The following SLC25A21 variants were observed in gnomAD, a reference collection of about 807,000 sequenced individuals.
The protein encoded by SLC25A21 is mitochondrial 2-oxodicarboxylate carrier.
In SLC25A21, 47 loss-of-function variants were observed where a neutral mutation model predicts 43.8. That is an observed-to-expected ratio of 1.07 (90% CI 0.85 to 1.37). The LOEUF (loss-of-function observed/expected upper bound fraction) is 1.37. Among genes scored for constraint, SLC25A21 ranks in the 40% most tolerant of loss-of-function variants. The pLI, the probability that SLC25A21 is intolerant of heterozygous loss-of-function variation, is 0.00. For synonymous variants in SLC25A21, 131 were observed against 121.3 expected (o/e 1.08, Z -0.52); for missense variants, 352 against 350.2 (o/e 1.00, Z -0.04).
chr14:36,782,372 T>C (rs1295750895), intron 3 of SLC25A21, among the ~76,000 whole-genome samples: 1 of 152,204 alleles, frequency 6.6e-6, no homozygotes, highest in Admixed American at 6.5e-5. Context: ...CTGCATATTA[T>C]TTCTCTTGAT....
In SLC25A21 at chr14:36,784,863, C is replaced by T. The variant is rs1311402448; in HGVS notation, c.203+29055G>A. 4.6e-5 allele frequency among the ~76,000 whole-genome samples: 7 copies of T among 152,150 alleles called. No homozygotes were observed. In the South Asian group the frequency reaches 6.2e-4, roughly 14 times the overall value. Reference sequence around the variant, plus strand: ...AATAAGGAGAACCCAGGATTGTGTACGCTTACCATACTATATATATTTGGC... The same window carrying T: ...AATAAGGAGAACCCAGGATTGTGTATGCTTACCATACTATATATATTTGGC... On this transcript the variant is annotated intron_variant, in intron 3 of 9. Transcript: ENST00000331299.
chr14:36,764,194 G>GAA (rs1555326649), intron 3 of SLC25A21, among the ~76,000 whole-genome samples: 1,360 of 92,206 alleles, frequency 0.015, 83 homozygotes, highest in South Asian at 0.053. Context: ...GAAAGAAAGA[G>GAA]AAAGAAAGAA....
intron 3 of SLC25A21, among the ~76,000 whole-genome samples, chr14:36,735,131 C>T (rs569387092): frequency 8.5e-5 from 13 of 152,268 alleles, no homozygotes; most frequent in African/African-American, 2.6e-4. Context: ...AAGAAGGTCA[C>T]AGAGGGCCAG....
intron 7 of SLC25A21, among the ~76,000 whole-genome samples, chr14:36,687,238 C>G (rs1175027226): frequency 6.6e-6 from 1 of 152,312 alleles, no homozygotes; most frequent in East Asian, 1.9e-4. Flanking sequence ...CAGCCATGAG[C>G]CACCGTGCCC....
chr14:36,907,207 C>T (rs532203986), intron 1 of SLC25A21, among the ~76,000 whole-genome samples: 1 of 151,988 alleles, frequency 6.6e-6, no homozygotes, highest in East Asian at 1.9e-4. Context: ...ACAATATAAA[C>T]AAAAATAAAA....
chr14:37,111,010 T>C (rs994068137), intron 1 of SLC25A21, among the ~76,000 whole-genome samples: 6 of 152,100 alleles, frequency 3.9e-5, no homozygotes, highest in Non-Finnish European at 7.4e-5. Flanking sequence ...CAAAATACAG[T>C]GGAATAATAC....
intron 1 of SLC25A21, among the ~76,000 whole-genome samples, chr14:37,048,852 G>C (rs1961644992): frequency 6.6e-6 from 1 of 152,142 alleles, no homozygotes. Flanking sequence ...CCAATAACTA[G>C]AGCAGACTAG....
At chr14:36,849,153 A>G (rs2138511916) in intron 2 of SLC25A21, among the ~76,000 whole-genome samples, 1 of 152,312 alleles carries the variant, frequency 6.6e-6, no homozygotes, top group East Asian at 1.9e-4. Flanking sequence ...ACATTAAAAC[A>G]CACTTTAAAA....
chr14:36,864,481 G>A (rs1373247908), intron 2 of SLC25A21, among the ~76,000 whole-genome samples: 3 of 152,106 alleles, frequency 2.0e-5, no homozygotes, highest in Non-Finnish European at 2.9e-5. Flanking sequence ...CAGTATTGTG[G>A]TCCACCCACT....
At chr14:37,075,728 A>C (rs1369020649) in intron 1 of SLC25A21, among the ~76,000 whole-genome samples, 1 of 152,252 alleles carries the variant, frequency 6.6e-6, no homozygotes, top group Non-Finnish European at 1.5e-5. Flanking sequence ...ATGTGGATTT[A>C]AGATATATAG....
intron 2 of SLC25A21, among the ~76,000 whole-genome samples, chr14:36,818,010 C>G (rs1300288686): frequency 6.6e-6 from 1 of 152,164 alleles, no homozygotes; most frequent in Non-Finnish European, 1.5e-5. Context: ...ATTATACACT[C>G]TACTATTTGG....
At chr14:37,011,151 T>C (rs1212733996) in intron 1 of SLC25A21, among the ~76,000 whole-genome samples, 9 of 152,174 alleles carry the variant, frequency 5.9e-5, no homozygotes, top group Non-Finnish European at 1.2e-4. Flanking sequence ...CCTCCCAAAC[T>C]GCGGGGCTTA....
At chr14:36,708,192 C>A (rs1311850849) in intron 7 of SLC25A21, among the ~76,000 whole-genome samples, 1 of 152,160 alleles carries the variant, frequency 6.6e-6, no homozygotes, top group Non-Finnish European at 1.5e-5. Context: ...ATGAGGTAAT[C>A]TAGTCACAGG....
chr14:36,885,256 G>A (rs1198047816), intron 1 of SLC25A21, among the ~76,000 whole-genome samples: 1 of 152,118 alleles, frequency 6.6e-6, no homozygotes, highest in Non-Finnish European at 1.5e-5. Context: ...CACCTTTGTG[G>A]AAAATCAATT....
chr14:37,135,297 CT>C (rs1323735686), intron 1 of SLC25A21, among the ~76,000 whole-genome samples: 8 of 152,072 alleles, frequency 5.3e-5, no homozygotes, highest in Non-Finnish European at 1.2e-4. Context: ...ACTCAGGAAG[CT>C]GAGATGGCAG....
intron 1 of SLC25A21, among the ~76,000 whole-genome samples, chr14:37,107,606 C>A (rs55717491): frequency 0.058 from 8,795 of 152,090 alleles, 331 homozygotes; most frequent in Non-Finnish European, 0.085. Flanking sequence ...AGGCACTGTT[C>A]CAAGCATTTT....
intron 1 of SLC25A21, among the ~76,000 whole-genome samples, chr14:37,137,276 C>T (rs1440218382): frequency 5.3e-5 from 8 of 152,156 alleles, no homozygotes; most frequent in African/African-American, 1.9e-4. Context: ...GGATTACAGG[C>T]GTGAGCCACC....
chr14:36,814,762 G>A (rs908755999), intron 2 of SLC25A21, among the ~76,000 whole-genome samples: 14 of 152,178 alleles, frequency 9.2e-5, no homozygotes, highest in African/African-American at 2.9e-4. Flanking sequence ...ACAGTGTGGC[G>A]ATTCCTCAAG....
intron 1 of SLC25A21, among the ~76,000 whole-genome samples, chr14:37,027,603 G>A (rs1476820950): frequency 2.0e-5 from 3 of 152,162 alleles, no homozygotes; most frequent in Non-Finnish European, 2.9e-5. Flanking sequence ...GGCTGTGGCA[G>A]CTCAACCATG....
Sources: gnomAD v4.1 joint callset for allele counts (sites outside exome capture counted in the v4.1 genomes callset) on GRCh38, gnomAD v4.1.1 for gene constraint, MANE v1.5 for transcripts, NCBI Gene and HGNC (gene_info 2026-07-23, HGNC 2026-07-21) for gene names.